ANO2: variants seen among roughly 807,000 people sequenced by gnomAD.
ANO2 encodes the protein anoctamin-2.
Under a neutral mutation model 124.2 loss-of-function variants are expected in ANO2, and 101 were observed. The observed-to-expected ratio is 0.81, with a 90% CI of 0.69 to 0.96. The LOEUF is 0.96. Among genes scored for constraint, ANO2 ranks in the 40% least tolerant of loss-of-function variants. The probability of loss-of-function intolerance (pLI) is 0.00; values close to 1 mark genes in which losing one functional copy is unlikely to be tolerated. For missense variants in ANO2, 1,293 were observed against 1,274.5 expected (o/e 1.01, Z -0.22); for synonymous variants, 486 against 482.5 (o/e 1.01, Z -0.09).
chr12:5,914,589 G>A (rs974074525), intron 3 of ANO2, among the ~76,000 whole-genome samples: 18 of 152,148 alleles, frequency 1.2e-4, no homozygotes, highest in African/African-American at 2.7e-4. Flanking sequence ...GCCAGGCCAC[G>A]CTGAATTTTA....
At chr12:5,705,599 T>C (rs563547140) in intron 14 of ANO2, among the ~76,000 whole-genome samples, 7 of 152,204 alleles carry the variant, frequency 4.6e-5, no homozygotes, top group Non-Finnish European at 8.8e-5. Flanking sequence ...CTATTACATC[T>C]CCTTAATCCA....
chr12:5,800,718 G>C (rs1198509483), intron 9 of ANO2, among the ~76,000 whole-genome samples: 1 of 152,202 alleles, frequency 6.6e-6, no homozygotes, highest in Non-Finnish European at 1.5e-5. Flanking sequence ...GTGAAATTAA[G>C]AGCTCACTTG....
At position 5,930,256 on chromosome 12, in the gene ANO2, A is replaced by G. The variant is rs545585568; in HGVS notation, c.23-7452T>C. Among the ~76,000 whole-genome samples the G allele has an allele frequency of 9.9e-5, 15 of 152,196 alleles. 1 individual carries two copies. Among genetic ancestry groups the G allele is most frequent in the Non-Finnish European group, 2.1e-4 (14 of 68,050 alleles). On this transcript the variant is annotated intron_variant, in intron 1 of 24. Transcript: ENST00000682330. The stretch of plus-strand genomic sequence containing the variant: ...TTAGCTTTAATTCCCAATGTTTTAT[A>G]CAATACCTGGGAAGTTAAATGGGTC...
chr12:5,759,246 G>A (rs943997729), intron 10 of ANO2, among the ~76,000 whole-genome samples: 14 of 151,592 alleles, frequency 9.2e-5, no homozygotes, highest in East Asian at 7.7e-4. Context: ...CACATACTTA[G>A]ATACGTCATA....
intron 3 of ANO2, among the ~76,000 whole-genome samples, chr12:5,867,774 TAATGAAAAAAAAAAAAA>T (rs1208971831): frequency 1.7e-4 from 8 of 47,698 alleles, no homozygotes; most frequent in African/African-American, 6.4e-4. Context: ...CCTAGCACTA[TAATGAAAAAAAAAAAAA>T]AAAAAAAAAC....
Position 5,636,605 on chromosome 12 carries a change from TACAC to T in ANO2, c.1621-1262_1621-1259del, listed in dbSNP as rs61059041. 0.011 allele frequency among the ~76,000 whole-genome samples: 1,318 copies of T among 118,496 alleles called. 11 individuals carry two copies. Among genetic ancestry groups the T allele is most frequent in the African/African-American group, 0.029 (907 of 30,758 alleles). 77.7% of individuals were successfully genotyped at this position (118,496 alleles called of 152,430 possible). Reference sequence around the variant, plus strand: ...CCTGAAAAAATAAGCTGTGCTGGACTACACACACACACACACACACACACACACA... The same window carrying T: ...CCTGAAAAAATAAGCTGTGCTGGACTACACACACACACACACACACACACA... On this transcript the variant is annotated intron_variant, in intron 15 of 24. Transcript: ENST00000682330. This position sits in a 1 kb window ranked among gnomAD's most constrained non-coding sequence, Gnocchi z 4.6.
chr12:5,572,341 C>A (rs1441494439), intron 23 of ANO2, among the ~76,000 whole-genome samples: 9 of 152,202 alleles, frequency 5.9e-5, no homozygotes, highest in Non-Finnish European at 1.2e-4. Context: ...CCCCACCCCA[C>A]TTACCAGCCA....
intron 14 of ANO2, among the ~76,000 whole-genome samples, chr12:5,730,275 C>T (rs544839575): frequency 5.3e-5 from 8 of 152,070 alleles, no homozygotes; most frequent in South Asian, 2.1e-4. Context: ...AAAAAGTAAA[C>T]GGACTTGGTA....
intron 14 of ANO2, among the ~76,000 whole-genome samples, chr12:5,712,890 C>T (rs1949866722): frequency 6.6e-6 from 1 of 152,162 alleles, no homozygotes; most frequent in Non-Finnish European, 1.5e-5. Context: ...GCAGAAGAGG[C>T]TCATGTCAGG....
chr12:5,878,843 A>ATACT (rs1484050594), intron 3 of ANO2, among the ~76,000 whole-genome samples: 2 of 152,370 alleles, frequency 1.3e-5, no homozygotes, highest in South Asian at 2.1e-4. Flanking sequence ...ACTGTCCAGT[A>ATACT]GTACCTTCAC....
At chr12:5,697,866 G>A (rs1284170890) in intron 14 of ANO2, among the ~76,000 whole-genome samples, 1 of 152,228 alleles carries the variant, frequency 6.6e-6, no homozygotes, top group Non-Finnish European at 1.5e-5. Context: ...TGCTAGCACA[G>A]CAGTCTGAGA....
chr12:5,865,313 C>A (rs539050682), intron 3 of ANO2, among the ~76,000 whole-genome samples: 1 of 146,734 alleles, frequency 6.8e-6, no homozygotes, highest in Non-Finnish European at 1.5e-5. Context: ...CATCACATCA[C>A]CATGCATTCA....
At chr12:5,595,166 C>T (rs1943596628) in intron 20 of ANO2, among the ~76,000 whole-genome samples, 1 of 152,124 alleles carries the variant, frequency 6.6e-6, no homozygotes, top group Non-Finnish European at 1.5e-5. Context: ...ATTCCCTCAT[C>T]TTTGTGTATC....
intron 3 of ANO2, among the ~76,000 whole-genome samples, chr12:5,883,402 T>A (rs1267132656): frequency 2.0e-5 from 3 of 152,168 alleles, no homozygotes; most frequent in African/African-American, 4.8e-5. Context: ...TTAATATGCA[T>A]CCTGAGTAAA....
At chr12:5,659,388 C>T (rs923235075) in intron 14 of ANO2, among the ~76,000 whole-genome samples, 1 of 152,200 alleles carries the variant, frequency 6.6e-6, no homozygotes. Context: ...CCCAAGCACA[C>T]CCAGCCTCTC....
At chr12:5,927,278 T>C (rs1349619317) in intron 1 of ANO2, among the ~76,000 whole-genome samples, 3 of 152,220 alleles carry the variant, frequency 2.0e-5, no homozygotes, top group Non-Finnish European at 4.4e-5. Context: ...GGCTGTTTCA[T>C]ATCAGTGGCC....
intron 20 of ANO2, chr12:5,583,937 C>T (rs531044291): frequency 8.9e-6 from 2 of 225,206 alleles, no homozygotes; most frequent in Non-Finnish European, 9.8e-6. Context: ...GCTTCCTGCA[C>T]AGCTTCATCC....
intron 3 of ANO2, among the ~76,000 whole-genome samples, chr12:5,875,866 A>G (rs1320131047): frequency 6.6e-6 from 1 of 151,956 alleles, no homozygotes; most frequent in Non-Finnish European, 1.5e-5. Context: ...GTTCATTTCA[A>G]GAGGTCAGGA....
intron 9 of ANO2, among the ~76,000 whole-genome samples, chr12:5,800,622 G>A (rs754772817): frequency 6.6e-6 from 1 of 152,188 alleles, no homozygotes; most frequent in Non-Finnish European, 1.5e-5. Flanking sequence ...ATTGGATGTG[G>A]GATGAGAATA....
Sources: allele counts gnomAD v4.1 joint callset (sites outside exome capture counted in the v4.1 genomes callset), GRCh38; gene constraint gnomAD v4.1.1; non-coding constraint Gnocchi (gnomAD v3.1); transcripts MANE v1.5; gene names NCBI Gene and HGNC (gene_info 2026-07-23, HGNC 2026-07-21).